The following PIGK variants were observed in gnomAD, a reference collection of about 807,000 sequenced individuals.
The protein encoded by PIGK is phosphatidylinositol glycan anchor biosynthesis class K, also known as GPI-anchor transamidase.
PIGK carries 42 observed loss-of-function variants against 50.6 expected under a neutral mutation model. The observed-to-expected ratio is 0.83, with a 90% CI of 0.65 to 1.07. The LOEUF (loss-of-function observed/expected upper bound fraction) is 1.07. PIGK is among the 50% of genes least tolerant of loss of function. The pLI, the probability that PIGK is intolerant of heterozygous loss-of-function variation, is 0.00. For missense variants in PIGK, 448 were observed against 488.7 expected, an observed-to-expected ratio of 0.92 and a Z score of 0.78; for synonymous variants, 151 against 156.0, an observed-to-expected ratio of 0.97 and a Z score of 0.24.
At chr1:77,111,594 C>A (rs947049961) in intron 10 of PIGK, among the ~76,000 whole-genome samples, 1 of 128,496 alleles carries the variant, frequency 7.8e-6, no homozygotes, top group African/African-American at 3.0e-5. Flanking sequence ...ACATCACACA[C>A]TGGGGCCTGT....
rs766036583 is a variant in PIGK, at chr1:77,219,378, GGC to G, written c.23_24del (p.Ser8ThrfsTer20). ...ACAGTTGCCAAGACAGTCGCAGCCC[GGC>G]TGAGGCTGTCGGTGACGGCCATGTT... is the stretch of plus-strand genomic sequence containing the variant. MAVTDSL[S>X]RAATVLATVL... On this transcript the variant is annotated frameshift_variant, in exon 1 of 11. Transcript: ENST00000370812. LOFTEE classifies it high-confidence loss of function. 1.2e-6 allele frequency: 2 copies of G among 1,613,700 alleles called. No individual in the cohort carries two copies. Among genetic ancestry groups the G allele is most frequent in the South Asian group, 2.2e-5 (2 of 90,980 alleles).
intron 2 of PIGK, among the ~76,000 whole-genome samples, chr1:77,207,058 T>C (rs1220386580): frequency 1.3e-5 from 2 of 152,102 alleles, no homozygotes; most frequent in African/African-American, 2.4e-5. Context: ...TTGCAGCTAC[T>C]TGGGAGGCTG....
chr1:77,177,498 TC>T (rs1321415763), intron 3 of PIGK, among the ~76,000 whole-genome samples: 1 of 152,244 alleles, frequency 6.6e-6, no homozygotes, highest in Admixed American at 6.5e-5. Flanking sequence ...TCCCTTTACT[TC>T]GGTCCATCCC....
At chr1:77,209,728 A>G (rs1204667075) in intron 2 of PIGK, among the ~76,000 whole-genome samples, 1 of 152,064 alleles carries the variant, frequency 6.6e-6, no homozygotes, top group Non-Finnish European at 1.5e-5. Flanking sequence ...ACAGAAGAAA[A>G]TACAGCTTTT....
intron 3 of PIGK, among the ~76,000 whole-genome samples, chr1:77,206,388 C>G (rs1418842336): frequency 6.6e-6 from 1 of 152,172 alleles, no homozygotes; most frequent in Non-Finnish European, 1.5e-5. Context: ...TAATTAAATA[C>G]ATTACACTAA....
chr1:77,169,419 T>A (rs1273862443), intron 3 of PIGK, 24 bp from the exon 4 acceptor site: 1 of 1,551,086 alleles, frequency 6.4e-7, no homozygotes, highest in Non-Finnish European at 8.8e-7. Flanking sequence ...ATCCAGTAAA[T>A]ATATAATTTA....
chr1:77,123,163 T>C (rs1654142940), intron 9 of PIGK, among the ~76,000 whole-genome samples: 1 of 151,994 alleles, frequency 6.6e-6, no homozygotes, highest in Non-Finnish European at 1.5e-5. Context: ...ATGAAGAAAA[T>C]GTAGTATAAT....
intron 10 of PIGK, among the ~76,000 whole-genome samples, chr1:77,109,141 C>T (rs1653775032): frequency 6.6e-6 from 1 of 152,090 alleles, no homozygotes; most frequent in Non-Finnish European, 1.5e-5. Flanking sequence ...AAAAAAAGTC[C>T]AGGACCAGAT....
intron 9 of PIGK, among the ~76,000 whole-genome samples, chr1:77,133,151 G>T (rs145040213): frequency 6.6e-6 from 1 of 152,092 alleles, no homozygotes; most frequent in Non-Finnish European, 1.5e-5. Context: ...TTACACACAT[G>T]TTGGACCATT....
intron 9 of PIGK, among the ~76,000 whole-genome samples, chr1:77,150,617 A>C (rs1654875887): frequency 6.6e-6 from 1 of 152,094 alleles, no homozygotes; most frequent in Admixed American, 6.5e-5. Context: ...GACTAAGAAA[A>C]AAGATTAAGA....
At chr1:77,147,274 G>C (rs1438316399) in intron 9 of PIGK, among the ~76,000 whole-genome samples, 1 of 151,906 alleles carries the variant, frequency 6.6e-6, no homozygotes, top group African/African-American at 2.4e-5. Flanking sequence ...CTCCCACCGG[G>C]TCCCTCCCAC....
chr1:77,149,674 C>G (rs1654850506), intron 9 of PIGK, among the ~76,000 whole-genome samples: 2 of 152,090 alleles, frequency 1.3e-5, no homozygotes, highest in South Asian at 4.1e-4. Flanking sequence ...ACCCCACTTT[C>G]AACAACAGAC....
chr1:77,176,717 C>T (rs1400806566), intron 3 of PIGK, among the ~76,000 whole-genome samples: 1 of 151,978 alleles, frequency 6.6e-6, no homozygotes, highest in Non-Finnish European at 1.5e-5. Flanking sequence ...CTATGATAAC[C>T]CATCAGTTAG....
chr1:77,097,361 C>G (rs1323175914), intron 10 of PIGK, among the ~76,000 whole-genome samples: 1 of 152,086 alleles, frequency 6.6e-6, no homozygotes, highest in Non-Finnish European at 1.5e-5. Context: ...AGGCATCTTC[C>G]AACTGAAGTC....
rs899012315 is a variant in PIGK, at chr1:77,089,979, C to T, written c.*2395G>A. 6.6e-6 allele frequency: 1 copy of T among 152,168 alleles called. No individual in the cohort carries two copies. The highest frequency in any genetic ancestry group is 2.4e-5 in the African/African-American group (1 of 41,444). The allele number at this position is 152,168 out of a possible 1,614,324, so 9.4% of individuals were successfully genotyped here. ...AGGAGAAAAAGAACAGCAAAGAGAA[C>T]AAGAATCACATTGAGTAGCTTAGAA... On this transcript the variant is annotated 3_prime_UTR_variant, in exon 11 of 11. Coordinates refer to ENST00000370812, the MANE Select transcript of PIGK (RefSeq NM_005482.3).
At chr1:77,183,272 G>A (rs1474730029) in intron 3 of PIGK, among the ~76,000 whole-genome samples, 3 of 152,306 alleles carry the variant, frequency 2.0e-5, no homozygotes, top group Admixed American at 1.3e-4. Context: ...AACCTTTTCT[G>A]CCAGAAGAAA....
At position 77,171,347 on chromosome 1, in the gene PIGK, G is replaced by A. The variant is rs527286949; in HGVS notation, c.240-1952C>T. On this transcript the variant is annotated intron_variant, in intron 3 of 10. Transcript: ENST00000370812. Reference sequence around the variant, plus strand: ...AGCTACTCCAGAGGCTGAGGCAGGAGAATGGCATGAACCCAGGAGGCGGAG... The same window carrying A: ...AGCTACTCCAGAGGCTGAGGCAGGAAAATGGCATGAACCCAGGAGGCGGAG... Among the ~76,000 whole-genome samples the A allele has an allele frequency of 2.9e-3, 401 of 140,534 alleles. 1 individual carries two copies. The highest frequency in any genetic ancestry group is 9.7e-3 in the African/African-American group (369 of 38,154). 92.2% of individuals were successfully genotyped at this position (140,534 alleles called of 152,430 possible).
chr1:77,161,785 T>C (rs905095951), intron 6 of PIGK, 74 bp from the exon 7 acceptor site: 1 of 737,822 alleles, frequency 1.4e-6, no homozygotes, highest in Non-Finnish European at 2.5e-6. Context: ...ACAATACTTT[T>C]GTAAGATGTT....
At chr1:77,095,831 C>A (rs1179525857) in intron 10 of PIGK, among the ~76,000 whole-genome samples, 1 of 152,032 alleles carries the variant, frequency 6.6e-6, no homozygotes, top group Non-Finnish European at 1.5e-5. Context: ...ATATAACAAC[C>A]TATTCCTCAG....
Sources: gnomAD v4.1 joint callset for allele counts (sites outside exome capture counted in the v4.1 genomes callset) on GRCh38, gnomAD v4.1.1 for gene constraint, MANE v1.5 for transcripts, NCBI Gene and HGNC (gene_info 2026-07-23, HGNC 2026-07-21) for gene names.